PDZD2: variants seen among roughly 807,000 people sequenced by gnomAD.
PDZD2 encodes the protein PDZ domain-containing protein 2.
Under a neutral mutation model 220.7 loss-of-function variants are expected in PDZD2, and 90 were observed. That is an observed-to-expected ratio of 0.41 (90% CI 0.34 to 0.49). PDZD2 has a LOEUF of 0.49. Ranked by LOEUF, PDZD2 falls within the 20% of genes least tolerant of loss-of-function variation. PDZD2 has a pLI of 0.28. For synonymous variants in PDZD2, 1,375 were observed against 1,450.5 expected (o/e 0.95, Z 1.18); for missense variants, 3,174 against 3,608.5 (o/e 0.88, Z 3.08).
At chr5:31,654,644 T>G (rs1745477110) in intron 1 of PDZD2, among the ~76,000 whole-genome samples, 1 of 152,110 alleles carries the variant, frequency 6.6e-6, no homozygotes, top group South Asian at 2.1e-4. Flanking sequence ...CTTCATCTCT[T>G]GTTCGCTCTT....
intron 2 of PDZD2, among the ~76,000 whole-genome samples, chr5:31,864,910 G>A (rs1275662249): frequency 2.3e-5 from 3 of 133,236 alleles, no homozygotes; most frequent in Admixed American, 8.7e-5. Flanking sequence ...GTGCAGTGGC[G>A]TAATCTCGGC....
chr5:31,855,832 A>C (rs2150305045), intron 2 of PDZD2, among the ~76,000 whole-genome samples: 1 of 152,332 alleles, frequency 6.6e-6, no homozygotes, highest in African/African-American at 2.4e-5. Context: ...TTGGAAAGAG[A>C]ATGGCATTTT....
At chr5:32,086,196 T>G (rs943077660) in intron 19 of PDZD2, among the ~76,000 whole-genome samples, 1 of 152,218 alleles carries the variant, frequency 6.6e-6, no homozygotes, top group African/African-American at 2.4e-5. Context: ...GGAAGCCTCT[T>G]GAGCTCGGCA....
intron 5 of PDZD2, among the ~76,000 whole-genome samples, chr5:32,005,070 G>GA (rs1020770655): frequency 2.0e-5 from 3 of 152,300 alleles, no homozygotes; most frequent in African/African-American, 7.2e-5. Context: ...CCACATAGGA[G>GA]AAAAAAGATA....
intron 1 of PDZD2, among the ~76,000 whole-genome samples, chr5:31,796,905 G>T (rs1276729263): frequency 1.3e-5 from 2 of 150,110 alleles, no homozygotes; most frequent in East Asian, 2.0e-4. Flanking sequence ...ATATTTACGG[G>T]GTTTTTTTTG....
intron 2 of PDZD2, among the ~76,000 whole-genome samples, chr5:31,853,647 C>A (rs1183270771): frequency 1.3e-5 from 2 of 152,318 alleles, no homozygotes; most frequent in East Asian, 1.9e-4. Context: ...GGAATTGAAG[C>A]TTTCTTTTGC....
chr5:31,778,380 C>T (rs540272722), intron 1 of PDZD2, among the ~76,000 whole-genome samples: 1 of 152,308 alleles, frequency 6.6e-6, no homozygotes, highest in Non-Finnish European at 1.5e-5. Context: ...AATCTTGCTG[C>T]TGCTCACTCT....
intron 2 of PDZD2, among the ~76,000 whole-genome samples, chr5:31,972,264 C>T (rs999880782): frequency 1.5e-4 from 23 of 152,136 alleles, no homozygotes; most frequent in African/African-American, 5.6e-4. Context: ...GAGGTGCACA[C>T]AACTGCACCT....
At chr5:32,071,898 G>C (rs891896989) in intron 16 of PDZD2, among the ~76,000 whole-genome samples, 2 of 152,160 alleles carry the variant, frequency 1.3e-5, no homozygotes, top group Non-Finnish European at 1.5e-5. Flanking sequence ...ATGTGTTGCT[G>C]CTGTGGCTTT....
chr5:31,900,503 A>G (rs1172154828), intron 2 of PDZD2, among the ~76,000 whole-genome samples: 4 of 94,118 alleles, frequency 4.2e-5, no homozygotes, highest in Non-Finnish European at 1.2e-4. Flanking sequence ...AGGTTTTCTT[A>G]AGAAGGGAAA....
intron 2 of PDZD2, among the ~76,000 whole-genome samples, chr5:31,887,447 C>A (rs550873919): frequency 1.6e-3 from 244 of 152,236 alleles, no homozygotes; most frequent in Non-Finnish European, 3.0e-3. Flanking sequence ...GCACTTTCAT[C>A]CACAGGCTTA....
intron 24 of PDZD2, among the ~76,000 whole-genome samples, chr5:32,104,212 CTCGTA>C (rs768278962): frequency 2.6e-5 from 4 of 152,012 alleles, no homozygotes; most frequent in African/African-American, 7.3e-5. Context: ...TTCACCTTAT[CTCGTA>C]TTTCATATTT....
chr5:31,684,653 A>G (rs62349125), intron 1 of PDZD2, among the ~76,000 whole-genome samples: 27,277 of 152,040 alleles, frequency 0.18, 3,065 homozygotes, highest in East Asian at 0.54. Flanking sequence ...AATAGAATTC[A>G]TAGTCCTCAC....
chr5:32,105,145 A>G (rs1422653723), intron 24 of PDZD2, among the ~76,000 whole-genome samples: 1 of 142,830 alleles, frequency 7.0e-6, no homozygotes, highest in African/African-American at 2.9e-5. Context: ...AAAAAAAACA[A>G]TCAATCAATC....
intron 2 of PDZD2, chr5:31,822,940 T>C: frequency 9.9e-7 from 1 of 1,005,978 alleles, no homozygotes. Context: ...GGTGGCCAGC[T>C]CCTTTCTGTT....
chr5:31,841,546 G>A (rs960271439), intron 2 of PDZD2, among the ~76,000 whole-genome samples: 12 of 152,224 alleles, frequency 7.9e-5, no homozygotes, highest in South Asian at 2.1e-4. Context: ...GGTGGCGGGC[G>A]CCTGTAGTCC....
chr5:31,962,755 A>G (rs1487274812), intron 2 of PDZD2, among the ~76,000 whole-genome samples: 1 of 152,202 alleles, frequency 6.6e-6, no homozygotes, highest in Admixed American at 6.5e-5. Context: ...TCTCAAGGGA[A>G]CAGTGCCACA....
At chr5:31,782,105 G>A (rs1175419300) in intron 1 of PDZD2, among the ~76,000 whole-genome samples, 3 of 152,150 alleles carry the variant, frequency 2.0e-5, no homozygotes, top group East Asian at 1.9e-4. Flanking sequence ...TAGGGGTGCC[G>A]GCTGGGATTC....
chr5:31,644,953 C>T (rs1203967761), intron 1 of PDZD2, among the ~76,000 whole-genome samples: 4 of 152,212 alleles, frequency 2.6e-5, no homozygotes, highest in African/African-American at 7.2e-5. Flanking sequence ...TTGGGGGAAC[C>T]GACTTCACAG....
Sources: gnomAD v4.1 joint callset for allele counts (sites outside exome capture counted in the v4.1 genomes callset) on GRCh38, gnomAD v4.1.1 for gene constraint, MANE v1.5 for transcripts, NCBI Gene and HGNC (gene_info 2026-07-23, HGNC 2026-07-21) for gene names.